RCAN2: variants seen among roughly 807,000 people sequenced by gnomAD.
RCAN2 encodes the protein calcipressin-2.
In RCAN2, 9 loss-of-function variants were observed where a neutral mutation model predicts 23.6. The observed-to-expected ratio is 0.38, with a 90% CI of 0.23 to 0.67. The LOEUF (loss-of-function observed/expected upper bound fraction) is 0.67, where lower values mean the gene tolerates loss of function less well. RCAN2 is among the 30% of genes least tolerant of loss of function. The pLI is 0.51. For missense variants in RCAN2, 273 were observed against 302.3 expected (o/e 0.90, Z 0.72); for synonymous variants, 109 against 115.7 (o/e 0.94, Z 0.37).
At chr6:46,236,772 T>C (rs1001105779) in intron 4 of RCAN2, among the ~76,000 whole-genome samples, 1 of 152,242 alleles carries the variant, frequency 6.6e-6, no homozygotes, top group Non-Finnish European at 1.5e-5. Flanking sequence ...GCATCTATCC[T>C]CTTATCAGCA....
At chr6:46,240,338 A>G (rs1387669349) in intron 4 of RCAN2, among the ~76,000 whole-genome samples, 1 of 152,152 alleles carries the variant, frequency 6.6e-6, no homozygotes, top group East Asian at 1.9e-4. Context: ...GTTTTTCTAC[A>G]ATGTACACAG....
At chr6:46,260,018 C>T (rs1165827761) in intron 2 of RCAN2, among the ~76,000 whole-genome samples, 1 of 152,164 alleles carries the variant, frequency 6.6e-6, no homozygotes, top group Non-Finnish European at 1.5e-5. Context: ...TGAATGCTGT[C>T]CTTTGGGTTT....
At chr6:46,479,313 A>G (rs1174515281) in intron 1 of RCAN2, among the ~76,000 whole-genome samples, 1 of 152,226 alleles carries the variant, frequency 6.6e-6, no homozygotes, top group African/African-American at 2.4e-5. Context: ...CTTTTACTGT[A>G]ATGATACTTA....
At chr6:46,275,544 G>A (rs1448687934) in intron 2 of RCAN2, among the ~76,000 whole-genome samples, 1 of 152,088 alleles carries the variant, frequency 6.6e-6, no homozygotes, top group Non-Finnish European at 1.5e-5. Context: ...TCTTTTAATG[G>A]TTGGACACTA....
At chr6:46,357,850 A>G (rs558665470) in intron 2 of RCAN2, among the ~76,000 whole-genome samples, 1 of 152,332 alleles carries the variant, frequency 6.6e-6, no homozygotes, top group East Asian at 1.9e-4. Context: ...CAGCTAGGGC[A>G]AGGAAACATT....
chr6:46,491,313 C>G lies in RCAN2; in HGVS notation c.-143G>C, dbSNP rs1359678618. The G allele has an allele frequency of 6.6e-6, 1 of 151,192 alleles. No individual in the cohort carries two copies. The highest frequency in any genetic ancestry group is 1.5e-5 in the Non-Finnish European group (1 of 67,774). 9.4% of individuals were successfully genotyped at this position (151,192 alleles called of 1,614,324 possible). A position where few individuals can be genotyped will look rare whatever the true frequency, so the allele number is the denominator to read the frequency against. The stretch of plus-strand genomic sequence containing the variant: ...GCGCGTGGGGGCGGCGCGGTGCCCG[C>G]GGGCCTTTGCGTGGGGCCGTACGCG... On this transcript the variant is annotated 5_prime_UTR_variant, in exon 1 of 5. Coordinates refer to ENST00000371374, the MANE Select transcript of RCAN2 (RefSeq NM_001251974.2).
chr6:46,366,969 C>A (rs925493429), intron 2 of RCAN2, among the ~76,000 whole-genome samples: 2 of 139,300 alleles, frequency 1.4e-5, no homozygotes, highest in African/African-American at 2.6e-5. Context: ...TAGCCCAACT[C>A]CCCACCCACT....
intron 1 of RCAN2, chr6:46,468,898 C>G: frequency 1.1e-6 from 1 of 946,526 alleles, no homozygotes; most frequent in Non-Finnish European, 1.3e-6. Context: ...TGTTTTCATT[C>G]TCTCCTCCTT....
intron 1 of RCAN2, among the ~76,000 whole-genome samples, chr6:46,464,113 T>C (rs1159724464): frequency 6.6e-6 from 1 of 152,172 alleles, no homozygotes; most frequent in Non-Finnish European, 1.5e-5. Flanking sequence ...AACTTAAATA[T>C]AACAATGTCA....
intron 2 of RCAN2, among the ~76,000 whole-genome samples, chr6:46,388,737 G>A (rs1041039729): frequency 1.3e-5 from 2 of 152,096 alleles, no homozygotes; most frequent in African/African-American, 4.8e-5. Flanking sequence ...TCATAAGTGG[G>A]AGTTCAACAA....
intron 2 of RCAN2, among the ~76,000 whole-genome samples, chr6:46,345,879 A>G (rs1160274366): frequency 6.6e-6 from 1 of 152,196 alleles, no homozygotes; most frequent in Non-Finnish European, 1.5e-5. Flanking sequence ...CTTTCATAAT[A>G]ATGTTATTTG....
chr6:46,383,118 T>C (rs1056837073), intron 2 of RCAN2, among the ~76,000 whole-genome samples: 1 of 151,064 alleles, frequency 6.6e-6, no homozygotes, highest in African/African-American at 2.4e-5. Flanking sequence ...AGAGTAGAGA[T>C]AAAACATCAG....
intron 2 of RCAN2, among the ~76,000 whole-genome samples, chr6:46,326,615 A>C (rs2150364754): frequency 6.6e-6 from 1 of 152,358 alleles, no homozygotes; most frequent in African/African-American, 2.4e-5. Flanking sequence ...CAAAGGAAAA[A>C]TTTCCAATTG....
chr6:46,457,118 G>A (rs1044813188), intron 1 of RCAN2, 140 bp from the exon 2 acceptor site: 2 of 626,052 alleles, frequency 3.2e-6, no homozygotes, highest in African/African-American at 1.8e-5. Flanking sequence ...GAAGGGAGAA[G>A]ATCTGCAAGT....
chr6:46,420,147 A>T (rs2150411785), intron 2 of RCAN2, among the ~76,000 whole-genome samples: 1 of 152,242 alleles, frequency 6.6e-6, no homozygotes, highest in Non-Finnish European at 1.5e-5. Context: ...CAGAGTACAG[A>T]TTATAAGCCA....
chr6:46,227,542 A>AT (rs1217246497), intron 4 of RCAN2, among the ~76,000 whole-genome samples: 2 of 151,850 alleles, frequency 1.3e-5, no homozygotes, highest in East Asian at 3.9e-4. Flanking sequence ...GAATTTATCC[A>AT]TATCTTCTAG....
chr6:46,349,918 C>A (rs1764594727), intron 2 of RCAN2, among the ~76,000 whole-genome samples: 1 of 152,180 alleles, frequency 6.6e-6, no homozygotes, highest in Non-Finnish European at 1.5e-5. Context: ...ACCGTGGCTT[C>A]CTATTACACT....
In RCAN2 at chr6:46,476,110, C is replaced by G. The variant is rs149259915; in HGVS notation, c.-3+15063G>C. 5.8e-3 allele frequency among the ~76,000 whole-genome samples: 890 copies of G among 152,268 alleles called. 2 individuals carry two copies. The highest frequency in any genetic ancestry group is 8.0e-3 in the Non-Finnish European group (543 of 68,010). On this transcript the variant is annotated intron_variant, in intron 1 of 4. Transcript: ENST00000371374. ...ACCTAAGCTTTTATGCCATCTGACCCTCCACAAGCCTTATGAGATCACCAG... is the reference window on the plus strand; with the variant it reads ...ACCTAAGCTTTTATGCCATCTGACCGTCCACAAGCCTTATGAGATCACCAG...
chr6:46,428,409 G>C (rs182202964), intron 2 of RCAN2, among the ~76,000 whole-genome samples: 34 of 152,120 alleles, frequency 2.2e-4, no homozygotes, highest in South Asian at 4.1e-4. Flanking sequence ...TTCTCTCCAT[G>C]AGATGATATG....
Sources: allele counts gnomAD v4.1 joint callset (sites outside exome capture counted in the v4.1 genomes callset), GRCh38; gene constraint gnomAD v4.1.1; transcripts MANE v1.5; gene names NCBI Gene and HGNC (gene_info 2026-07-23, HGNC 2026-07-21).